The following TUBGCP6 variants were observed in gnomAD, a reference collection of about 807,000 sequenced individuals.
TUBGCP6 encodes the protein gamma-tubulin complex component 6.
A neutral mutation model predicts 175.8 loss-of-function variants in TUBGCP6; 161 were observed. The ratio of observed to expected loss-of-function variants is 0.92; its 90% confidence interval spans 0.81 to 1.04. The LOEUF is 1.04. Among genes scored for constraint, TUBGCP6 ranks in the 50% least tolerant of loss-of-function variants. The probability of loss-of-function intolerance (pLI) is 0.00; values close to 1 mark genes in which losing one functional copy is unlikely to be tolerated. For missense variants in TUBGCP6, 2,572 were observed against 2,433.0 expected (o/e 1.06, Z -1.20); for synonymous variants, 1,173 against 1,030.5 (o/e 1.14, Z -2.65).
In TUBGCP6 at chr22:50,226,043, T is replaced by G. The variant is rs1193460160; in HGVS notation, c.1833+7A>C. The stretch of plus-strand genomic sequence containing the variant: ...CCTCTCTTCCCCACACATGAGCCCC[T>G]CCTCACCCGGGGGCAGCAGAGCTTC... On this transcript the variant is annotated splice_region_variant and intron_variant, in intron 9 of 24. Coordinates refer to ENST00000248846, the MANE Select transcript of TUBGCP6 (RefSeq NM_020461.4). The G allele has an allele frequency of 5.0e-6, 8 of 1,613,838 alleles. No individual in the cohort carries two copies. The Admixed American group carries it at 1.3e-4, about 27-fold the overall frequency.
At position 50,225,885 on chromosome 22, in the gene TUBGCP6, T is replaced by C. The variant is rs766699513; in HGVS notation, c.1892A>G (p.Glu631Gly). Reference protein sequence around the residue: ...VPRISVIFSLEELKEIEKDCA... With the variant: ...VPRISVIFSLGELKEIEKDCA... ...GTCCTTCTCAATCTCCTTCAACTCC[T>C]CAAGGGAGAAAATCACCGAGATCCG... Residue 631 changes from glutamate to glycine, a missense_variant, in exon 10 of 25, where the codon GAG becomes GGG. Physicochemically the swap from Glu to Gly is moderately conservative, Grantham distance 98. Transcript: ENST00000248846. The C allele has an allele frequency of 9.3e-6, 15 of 1,612,430 alleles. No individual in the cohort carries two copies. The highest frequency in any genetic ancestry group is 1.3e-5 in the Non-Finnish European group (15 of 1,179,586).
At chr22:50,227,769 C>CAAGG in intron 5 of TUBGCP6, 138 bp downstream of exon 5, 1 of 1,282,236 alleles carries the variant, frequency 7.8e-7, no homozygotes, top group Non-Finnish European at 1.1e-6. Flanking sequence ...CTCGGCCGGC[C>CAAGG]AAGGGCCATC....
chr22:50,220,858 G>A lies in TUBGCP6; in HGVS notation c.3501C>T (p.Ala1167=), dbSNP rs1400032383. Residue 1167 remains alanine, a synonymous_variant, in exon 16 of 25, where the codon GCC becomes GCT. Coordinates refer to ENST00000248846, the MANE Select transcript of TUBGCP6 (RefSeq NM_020461.4). ...RWNTHGHVSD[A]SISLGESVSD... The stretch of plus-strand genomic sequence containing the variant: ...ACACAGACTCCCCCAAGCTGATGCT[G>A]GCATCGGACACGTGTCCATGGGTGT... The A allele has an allele frequency of 6.2e-7, 1 of 1,607,560 alleles. No homozygotes were observed. Among genetic ancestry groups the A allele is most frequent in the Admixed American group, 1.7e-5 (1 of 59,442 alleles).
In TUBGCP6 at chr22:50,221,522, G is replaced by C. The variant is rs2064523249; in HGVS notation, c.2837C>G (p.Ser946Cys). The change falls in exon 16 of 25, where the codon TCC (serine) becomes TGC (cysteine). Residue 946 changes from serine to cysteine, a missense_variant. By Grantham distance (112) the Ser-to-Cys change is moderately radical. Transcript: ENST00000248846. Reference sequence around the variant, plus strand: ...ACTAAAGTCGTACTCCTGTGGCCTGGAGGGCTGAGTGCTGGCTGCTGCGGG... The same window carrying C: ...ACTAAAGTCGTACTCCTGTGGCCTGCAGGGCTGAGTGCTGGCTGCTGCGGG... ...EAPAAASTQP[S>C]RPQEYDFSTV... 1 of 1,586,134 alleles carries C rather than the reference G, an allele frequency of 6.3e-7. No homozygotes were observed. Among genetic ancestry groups the C allele is most frequent in the Non-Finnish European group, 8.6e-7 (1 of 1,165,150 alleles).
intron 3 of TUBGCP6, 95 bp from the exon 4 acceptor site, chr22:50,229,672 C>T: frequency 7.5e-7 from 1 of 1,335,258 alleles, no homozygotes; most frequent in Admixed American, 2.4e-5. Flanking sequence ...AACCCCACGC[C>T]ACCTAGAGTG....
rs763760720 is a variant in TUBGCP6, at chr22:50,223,191, A to G, written c.2271-599T>C. ...AACAGGACAGTATCGACTGACATAC[A>G]TGCATGAACACGTACTCATGCATAA... On this transcript the variant is annotated intron_variant, in intron 13 of 24. Coordinates refer to ENST00000248846, the MANE Select transcript of TUBGCP6 (RefSeq NM_020461.4). The G allele has an allele frequency of 3.8e-4, 59 of 153,902 alleles. 2 individuals are homozygous for G. Among genetic ancestry groups the G allele is most frequent in the South Asian group, 6.1e-4 (3 of 4,918 alleles). The allele number at this position is 153,902 out of a possible 1,614,324, so 9.5% of individuals were successfully genotyped here. A position where few individuals can be genotyped will look rare whatever the true frequency, so the allele number is the denominator to read the frequency against.
At chr22:50,240,616 C>T (rs2064827786) in intron 1 of TUBGCP6, among the ~76,000 whole-genome samples, 1 of 152,150 alleles carries the variant, frequency 6.6e-6, no homozygotes, top group Non-Finnish European at 1.5e-5. Flanking sequence ...TAGAGTGAAA[C>T]TTTTTGAGAT....
At chr22:50,228,352 C>T (rs35082019) in intron 4 of TUBGCP6, among the ~76,000 whole-genome samples, 189 of 128,580 alleles carry the variant, frequency 1.5e-3, no homozygotes, top group Non-Finnish European at 2.2e-3. Context: ...CCCTTCCTCT[C>T]ATCTGAGCCC....
chr22:50,237,127 C>G (rs985819714), intron 2 of TUBGCP6, among the ~76,000 whole-genome samples: 1 of 152,226 alleles, frequency 6.6e-6, no homozygotes, highest in African/African-American at 2.4e-5. Flanking sequence ...GAAAGGCCTC[C>G]CTCCGCCTTA....
intron 15 of TUBGCP6, 29 bp from the exon 16 acceptor site, chr22:50,221,903 C>G (rs2064531039): frequency 6.5e-7 from 1 of 1,536,906 alleles, no homozygotes; most frequent in Admixed American, 2.0e-5. Flanking sequence ...CAGACCCAGT[C>G]TGGTCTCAGG....
Position 50,231,715 on chromosome 22 carries a change from C to T in TUBGCP6, c.1116+1601G>A, listed in dbSNP as rs1306125775. ...TCTACTAAAAATACAAAAAATTAGA[C>T]GGGCGCGGTGGCGGGTGCCTGTAGT... On this transcript the variant is annotated intron_variant, in intron 3 of 24. Coordinates refer to ENST00000248846, the MANE Select transcript of TUBGCP6 (RefSeq NM_020461.4). Among the ~76,000 whole-genome samples the T allele has an allele frequency of 3.3e-5, 5 of 151,440 alleles. No individual in the cohort carries two copies. In the East Asian group the frequency reaches 7.8e-4, roughly 24 times the overall value.
intron 3 of TUBGCP6, 75 bp downstream of exon 3, chr22:50,233,241 A>G: frequency 6.5e-7 from 1 of 1,529,166 alleles, no homozygotes; most frequent in Non-Finnish European, 8.9e-7. Context: ...GTTCTGCCCC[A>G]TAAAGGGCTG....
In TUBGCP6 at chr22:50,220,525, C is replaced by T; in HGVS notation, c.3834G>A (p.Val1278=). The change falls in exon 16 of 25, where the codon GTG becomes GTA. Residue 1278 remains valine (V), a synonymous_variant. Coordinates refer to ENST00000248846, the MANE Select transcript of TUBGCP6 (RefSeq NM_020461.4). ...CAGCTTCTGGTGAGAGAGCCCCCAG[C>T]ACCATGTGGGGCGGAGGGATGGGTA... is the stretch of plus-strand genomic sequence containing the variant. ...THVPIPPPHM[V]LGALSPEAEP... The T allele has an allele frequency of 1.2e-6, 2 of 1,613,512 alleles. No individual in the cohort carries two copies. The highest frequency in any genetic ancestry group is 8.5e-7 in the Non-Finnish European group (1 of 1,180,014).
At position 50,220,523 on chromosome 22, in the gene TUBGCP6, A is replaced by G. The variant is rs1197865299; in HGVS notation, c.3836T>C (p.Leu1279Pro). 1 of 1,613,538 alleles carries G rather than the reference A, an allele frequency of 6.2e-7. No individual in the cohort carries two copies. Residue 1279 changes from leucine to proline, a missense_variant, in exon 16 of 25, where the codon CTG becomes CCG. By Grantham distance (98) the Leu-to-Pro change is moderately conservative (BLOSUM62 -3). Transcript: ENST00000248846. ...HVPIPPPHMV[L>P]GALSPEAEPN... ...CTCAGCTTCTGGTGAGAGAGCCCCC[A>G]GCACCATGTGGGGCGGAGGGATGGG...
rs61739385 is a variant in TUBGCP6 at position 50,221,052 on chromosome 22, G to A, written c.3307C>T (p.Arg1103Trp). Residue 1103 changes from arginine to tryptophan, a missense_variant, in exon 16 of 25, where the codon CGG becomes TGG. By Grantham distance (101) the Arg-to-Trp change is moderately radical. Transcript: ENST00000248846. ...SVSDVAPTRP[R>W]WNIHGHVSNA... Reference sequence around the variant, plus strand: ...GACACATGTCCATGGATGTTCCACCGTGGCCGAGTGGGAGCCACATCTGAC... The same window carrying A: ...GACACATGTCCATGGATGTTCCACCATGGCCGAGTGGGAGCCACATCTGAC... 2,404 of 1,612,410 alleles carry A rather than the reference G, an allele frequency of 1.5e-3. 29 individuals are homozygous for A. The African/African-American group carries it at 0.028, about 19-fold the overall frequency.
chr22:50,229,630 G>C (rs1409470222), intron 3 of TUBGCP6, 53 bp from the exon 4 acceptor site: 2 of 1,520,326 alleles, frequency 1.3e-6, no homozygotes, highest in Non-Finnish European at 1.8e-6. Context: ...CAGACCCCCA[G>C]TAAGGTGCCG....
rs753660549 is a variant in TUBGCP6, at chr22:50,227,903, TCA to T, written c.1412+2_1412+3del. ...CCCTGCTCAGCCGCCATGCTGAGGC[TCA>T]CCTGAGCTGCCGGCCAAGTTTCTTG... On this transcript the variant is annotated splice_donor_variant and splice_donor_region_variant and intron_variant, in intron 5 of 24. Coordinates refer to ENST00000248846, the MANE Select transcript of TUBGCP6 (RefSeq NM_020461.4). LOFTEE classifies it high-confidence loss of function. 6 of 1,573,802 alleles carry T rather than the reference TCA, an allele frequency of 3.8e-6. No homozygotes were observed. Among genetic ancestry groups the T allele is most frequent in the Non-Finnish European group, 5.2e-6 (6 of 1,159,450 alleles).
At position 50,243,854 on chromosome 22, in the gene TUBGCP6, A is replaced by G. The variant is rs1601612567; in HGVS notation, c.606T>C (p.Cys202=). ...TVGLFSFGDP[C]GDRFERDTRV... is the part of the protein sequence containing the mutation. ...GGGTGTCTCTCTCGAACCTGTCACC[A>G]CAAGGGTCACCAAATGAGAAGAGCC... The change falls in exon 1 of 25, where the codon TGT becomes TGC. Residue 202 remains cysteine, a synonymous_variant. Coordinates refer to ENST00000248846, the MANE Select transcript of TUBGCP6 (RefSeq NM_020461.4). The G allele has an allele frequency of 7.4e-6, 12 of 1,613,768 alleles. No individual in the cohort carries two copies. Among genetic ancestry groups the G allele is most frequent in the Non-Finnish European group, 9.3e-6 (11 of 1,179,990 alleles).
chr22:50,240,218 C>T lies in TUBGCP6; in HGVS notation c.891G>A (p.Trp297Ter). ...LTYEASKRRC[W>*]ERVGCPPGHR... Reference sequence around the variant, plus strand: ...AGGGCACACACCAGCCAACTCGCTCCCAGCACCTCCGCTTGCTGGCCTCAT... The same window carrying T: ...AGGGCACACACCAGCCAACTCGCTCTCAGCACCTCCGCTTGCTGGCCTCAT... Residue 297 changes from tryptophan (W) to a stop codon, truncating the protein, a stop_gained, in exon 2 of 25, where the codon TGG (tryptophan) becomes TGA (stop). Transcript: ENST00000248846. LOFTEE classifies it high-confidence loss of function. 1 of 1,613,888 alleles carries T rather than the reference C, an allele frequency of 6.2e-7. No homozygotes were observed. The highest frequency in any genetic ancestry group is 1.1e-5 in the South Asian group (1 of 91,076).
Sources: gnomAD v4.1 joint callset for allele counts (sites outside exome capture counted in the v4.1 genomes callset) on GRCh38, gnomAD v4.1.1 for gene constraint, MANE v1.5 for transcripts, NCBI Gene and HGNC (gene_info 2026-07-23, HGNC 2026-07-21) for gene names.